ARAP3: variants seen among roughly 807,000 people sequenced by gnomAD.
ARAP3 encodes the protein arf-GAP with Rho-GAP domain, ANK repeat and PH domain-containing protein 3.
ARAP3 carries 82 observed loss-of-function variants against 169.2 expected under a neutral mutation model. The observed-to-expected ratio is 0.48, with a 90% CI of 0.41 to 0.58. The LOEUF (loss-of-function observed/expected upper bound fraction) is 0.58, where lower values mean the gene tolerates loss of function less well. Ranked by LOEUF, ARAP3 falls within the 20% of genes least tolerant of loss-of-function variation. ARAP3 has a pLI of 0.00. For missense variants in ARAP3, 1,764 were observed against 2,018.0 expected, an observed-to-expected ratio of 0.87 and a Z score of 2.41; for synonymous variants, 791 against 800.3, an observed-to-expected ratio of 0.99 and a Z score of 0.20.
intron 19 of ARAP3, among the ~76,000 whole-genome samples, chr5:141,664,122 C>T (rs937051612): frequency 1.3e-5 from 2 of 152,168 alleles, no homozygotes; most frequent in African/African-American, 4.8e-5. Context: ...TGGTGGCTCA[C>T]ACCTGTAATC....
In ARAP3 at chr5:141,680,467, A is replaced by G; in HGVS notation, c.20T>C (p.Leu7Pro). MAAPQDLDIAVWLATVH... is the reference protein window; with the variant it reads MAAPQDPDIAVWLATVH... The stretch of plus-strand genomic sequence containing the variant: ...CGTGGCCAGCCACACAGCGATGTCC[A>G]GGTCCTGAGGGGCAGCCATGGGGGC... Residue 7 changes from leucine (L) to proline (P), a missense_variant, in exon 2 of 33, where the codon CTG becomes CCG. Leu to Pro is a moderately conservative substitution (Grantham distance 98). Transcript: ENST00000239440. The G allele has an allele frequency of 6.3e-7, 1 of 1,599,850 alleles. No homozygotes were observed. Among genetic ancestry groups the G allele is most frequent in the East Asian group, 2.2e-5 (1 of 44,662 alleles).
Position 141,680,280 on chromosome 5 carries a change from G to A in ARAP3, c.207C>T (p.Gly69=), listed in dbSNP as rs760000056. Residue 69 remains glycine, a synonymous_variant, in exon 2 of 33, where the codon GGC becomes GGT. Transcript: ENST00000239440. ...CACTATCTGATTTGGGATCCAGGGA[G>A]CCCTCTTCGGTGCCTGTCTGTAGCA... The part of the protein sequence containing the change: ...LRLLQTGTEE[G]SLDPKSDSAM... The A allele has an allele frequency of 1.9e-6, 3 of 1,614,194 alleles. No individual in the cohort carries two copies. The South Asian group carries it at 3.3e-5, about 18-fold the overall frequency.
intron 14 of ARAP3, 53 bp from the exon 15 acceptor site, chr5:141,670,116 T>C (rs1371180782): frequency 1.3e-6 from 2 of 1,569,562 alleles, no homozygotes; most frequent in African/African-American, 2.8e-5. Context: ...CCCACTGTCA[T>C]AGTTCCAGTT....
At chr5:141,668,007 A>G (rs1338343435) in intron 16 of ARAP3, among the ~76,000 whole-genome samples, 5 of 152,014 alleles carry the variant, frequency 3.3e-5, no homozygotes, top group African/African-American at 1.2e-4. Context: ...TCTTCACCGC[A>G]CTGTAGCCTG....
At chr5:141,658,335 G>A in intron 25 of ARAP3, 30 bp downstream of exon 25, 10 of 1,606,146 alleles carry the variant, frequency 6.2e-6, no homozygotes, top group Non-Finnish European at 8.5e-6. Context: ...ATATACACAT[G>A]CATGAACACA....
intron 31 of ARAP3, 21 bp downstream of exon 31, chr5:141,655,600 G>C (rs750878671): frequency 3.7e-6 from 6 of 1,613,874 alleles, no homozygotes; most frequent in Non-Finnish European, 5.1e-6. Context: ...AATCGGGTTG[G>C]GGCAGGGTGG....
In ARAP3 at chr5:141,672,671, G is replaced by T. The variant is rs1233704431; in HGVS notation, c.1279-13C>A. 2.5e-6 allele frequency: 4 copies of T among 1,613,846 alleles called. No homozygotes were observed. The highest frequency in any genetic ancestry group is 2.2e-5 in the South Asian group (2 of 91,060). ...CCAGAGAGAAGGCCTGGTGGGGTCA[G>T]GGGGTGGGCATCATGAGGTGCCAGA... On this transcript the variant is annotated splice_polypyrimidine_tract_variant and intron_variant, in intron 8 of 32. Transcript: ENST00000239440. This position sits in a 1 kb window ranked among gnomAD's most constrained non-coding sequence, Gnocchi z 4.9.
At chr5:141,659,001 A>C (rs187185581) in intron 23 of ARAP3, among the ~76,000 whole-genome samples, 1 of 152,348 alleles carries the variant, frequency 6.6e-6, no homozygotes, top group African/African-American at 2.4e-5. Context: ...TATCATACTA[A>C]CATGAGATTA....
At position 141,665,355 on chromosome 5, in the gene ARAP3, G is replaced by T. The variant is rs2099910495; in HGVS notation, c.2592C>A (p.Asp864Glu). Residue 864 changes from aspartate to glutamate, a missense_variant, in exon 18 of 33, where the codon GAC (aspartate) becomes GAA (glutamate). Asp to Glu is a conservative substitution (Grantham distance 45). This residue lies in a region of ARAP3 where 1,112 missense variants were observed against 1,285.7 expected (regional missense o/e 0.86). Transcript: ENST00000239440. ...CCAAATGCTCTTTCTTATCTGGGGT[G>T]TCAGCTGCAGAAACCACACCTGGGA... is the stretch of plus-strand genomic sequence containing the variant. ...LQEISVVSAA[D>E]TPDKKEHLVL... is the part of the protein sequence containing the mutation. The T allele has an allele frequency of 3.1e-6, 5 of 1,614,214 alleles. No individual in the cohort carries two copies. Among genetic ancestry groups the T allele is most frequent in the Non-Finnish European group, 4.2e-6 (5 of 1,180,044 alleles).
chr5:141,671,164 G>A lies in ARAP3; in HGVS notation c.1990+101C>T. 6.8e-7 allele frequency: 1 copy of A among 1,464,980 alleles called. No homozygotes were observed. The highest frequency in any genetic ancestry group is 9.2e-7 in the Non-Finnish European group (1 of 1,082,730). The allele number at this position is 1,464,980 out of a possible 1,614,324, so 90.7% of individuals were successfully genotyped here. A position where few individuals can be genotyped will look rare whatever the true frequency, so the allele number is the denominator to read the frequency against. On this transcript the variant is annotated intron_variant, in intron 13 of 32. Coordinates refer to ENST00000239440, the MANE Select transcript of ARAP3 (RefSeq NM_022481.6). This position sits in a 1 kb window ranked among gnomAD's most constrained non-coding sequence, Gnocchi z 4.9. ...AGGGTTTGGGAAACTGCCCAGGCTGGGCCATTGTGATCAGCTAATTGGGGC... is the reference window on the plus strand; with the variant it reads ...AGGGTTTGGGAAACTGCCCAGGCTGAGCCATTGTGATCAGCTAATTGGGGC...
At chr5:141,679,003 T>C (rs1486055626) in intron 4 of ARAP3, among the ~76,000 whole-genome samples, 4 of 152,084 alleles carry the variant, frequency 2.6e-5, no homozygotes, top group Non-Finnish European at 5.9e-5. Context: ...AAAGCACTTC[T>C]CCTGGTTGGG....
At chr5:141,657,153 A>G (rs530155639) in intron 25 of ARAP3, among the ~76,000 whole-genome samples, 2 of 152,362 alleles carry the variant, frequency 1.3e-5, no homozygotes, top group African/African-American at 4.8e-5. Context: ...GTAGTCAGGC[A>G]AGACCTTTCA....
chr5:141,665,218 GA>G, intron 18 of ARAP3, 92 bp downstream of exon 18: 3 of 1,573,100 alleles, frequency 1.9e-6, no homozygotes. Context: ...AAGAAACTTT[GA>G]GGAAGTGGGC....
Position 141,654,001 on chromosome 5 carries a change from G to T in ARAP3, c.4584C>A (p.Pro1528=). 6.4e-7 allele frequency: 1 copy of T among 1,557,260 alleles called. No individual in the cohort carries two copies. The highest frequency in any genetic ancestry group is 8.7e-7 in the Non-Finnish European group (1 of 1,152,658). ...TGLPTQTPGF[P]TQPPCTSSPP... ...GACTGGAAGTGCATGGGGGTTGGGT[G>T]GGGAAGCCAGGTGTCTGTGTTGGAA... Residue 1528 remains proline (P), a synonymous_variant, in exon 33 of 33, where the codon CCC becomes CCA. Transcript: ENST00000239440.
In ARAP3 at chr5:141,654,136, T is replaced by C. The variant is rs1045723034; in HGVS notation, c.4449A>G (p.Glu1483=). ...GGCTGCTGAGCTCCTGGAGCAGCTG[T>C]TCCTCTAGGGACCCCCGTGCCTGGG... The part of the protein sequence containing the change: ...SSPQARGSLE[E]QLLQELSSLI... Residue 1483 remains glutamate, a synonymous_variant, in exon 33 of 33, where the codon GAA becomes GAG. Coordinates refer to ENST00000239440, the MANE Select transcript of ARAP3 (RefSeq NM_022481.6). 13 of 1,613,106 alleles carry C rather than the reference T, an allele frequency of 8.1e-6. No individual in the cohort carries two copies. Among genetic ancestry groups the C allele is most frequent in the Non-Finnish European group, 1.0e-5 (12 of 1,179,446 alleles).
rs1178044120 is a variant in ARAP3, at chr5:141,653,680, G to A, written c.*270C>T. 5.7e-6 allele frequency: 2 copies of A among 352,196 alleles called. No individual in the cohort carries two copies. The highest frequency in any genetic ancestry group is 5.1e-6 in the Non-Finnish European group (1 of 196,802). The allele number at this position is 352,196 out of a possible 1,614,324, so 21.8% of individuals were successfully genotyped here. A position where few individuals can be genotyped will look rare whatever the true frequency, so the allele number is the denominator to read the frequency against. The stretch of plus-strand genomic sequence containing the variant: ...TGCCCTTGTTCAGGGATAATATGTG[G>A]GGCTTATGGCTCTAAGAAACACAGT... On this transcript the variant is annotated 3_prime_UTR_variant, in exon 33 of 33. Transcript: ENST00000239440.
In ARAP3 at chr5:141,672,982, C is replaced by T. The variant is rs1254742814; in HGVS notation, c.1093+31G>A. The T allele has an allele frequency of 1.2e-6, 2 of 1,614,064 alleles. No homozygotes were observed. Among genetic ancestry groups the T allele is most frequent in the East Asian group, 4.5e-5 (2 of 44,866 alleles). On this transcript the variant is annotated intron_variant, in intron 7 of 32. Coordinates refer to ENST00000239440, the MANE Select transcript of ARAP3 (RefSeq NM_022481.6). This position sits in a 1 kb window ranked among gnomAD's most constrained non-coding sequence, Gnocchi z 4.9. ...GTTGCTCACACAGCCTCCCTCCCTC[C>T]TGCCCTGACTCAGGGGGCTGTGGCC...
Position 141,681,677 on chromosome 5 carries a change from T to C in ARAP3, c.-18+496A>G, listed in dbSNP as rs2099912994. On this transcript the variant is annotated intron_variant, in intron 1 of 32. Coordinates refer to ENST00000239440, the MANE Select transcript of ARAP3 (RefSeq NM_022481.6). ...AATTCTAACCAGATCTTGAGTTGTA[T>C]CTGTGTCTCTGTCTGCCTCTGAGCC... Among the ~76,000 whole-genome samples, 3 of 152,338 alleles carry C rather than the reference T, an allele frequency of 2.0e-5. No individual in the cohort carries two copies. In the South Asian group the frequency reaches 6.2e-4, roughly 32 times the overall value.
Position 141,658,390 on chromosome 5 carries a change from A to G in ARAP3, c.3501T>C (p.Phe1167=), listed in dbSNP as rs534613090. Residue 1167 remains phenylalanine, a synonymous_variant, in exon 25 of 33, where the codon TTT becomes TTC. Coordinates refer to ENST00000239440, the MANE Select transcript of ARAP3 (RefSeq NM_022481.6). ...TAAGMDLWVT[F]EIREHGELER... is the part of the protein sequence containing the mutation. Reference sequence around the variant, plus strand: ...CCAGCTCCCCATGCTCGCGAATCTCAAAAGTCACCCACAAGTCCATCCCAG... The same window carrying G: ...CCAGCTCCCCATGCTCGCGAATCTCGAAAGTCACCCACAAGTCCATCCCAG... 1 of 1,613,224 alleles carries G rather than the reference A, an allele frequency of 6.2e-7. No individual in the cohort carries two copies. The highest frequency in any genetic ancestry group is 1.1e-5 in the South Asian group (1 of 91,046).
Sources: allele counts gnomAD v4.1 joint callset (sites outside exome capture counted in the v4.1 genomes callset), GRCh38; gene constraint gnomAD v4.1.1; regional missense constraint gnomAD v4.1.1; non-coding constraint Gnocchi (gnomAD v3.1); transcripts MANE v1.5; gene names NCBI Gene and HGNC (gene_info 2026-07-23, HGNC 2026-07-21).